The following CHRM5 variants were observed in gnomAD, a reference collection of about 807,000 sequenced individuals.
CHRM5 encodes the protein muscarinic acetylcholine receptor M5.
Under a neutral mutation model 39.0 loss-of-function variants are expected in CHRM5, and 18 were observed. The observed-to-expected ratio is 0.46, with a 90% confidence interval of 0.32 to 0.68. CHRM5 has a LOEUF of 0.68. Ranked by LOEUF, CHRM5 falls within the 30% of genes least tolerant of loss-of-function variation. CHRM5 has a pLI of 0.04. For synonymous variants in CHRM5, 241 were observed against 246.3 expected (o/e 0.98, Z 0.20); for missense variants, 515 against 651.1 (o/e 0.79, Z 2.28).
At chr15:33,972,946 G>A (rs1297932323) in intron 1 of CHRM5, among the ~76,000 whole-genome samples, 1 of 152,184 alleles carries the variant, frequency 6.6e-6, no homozygotes, top group Non-Finnish European at 1.5e-5. Flanking sequence ...ATTATCTACA[G>A]TTACACAGAT....
At chr15:34,004,918 A>T (rs1567461537) in intron 1 of CHRM5, among the ~76,000 whole-genome samples, 1 of 152,192 alleles carries the variant, frequency 6.6e-6, no homozygotes, top group Non-Finnish European at 1.5e-5. Flanking sequence ...CAAGAAAAAA[A>T]TGAGTAAAAT....
chr15:34,058,290 T>A (rs1277885569), intron 2 of CHRM5, among the ~76,000 whole-genome samples: 3 of 152,092 alleles, frequency 2.0e-5, no homozygotes, highest in Non-Finnish European at 2.9e-5. Context: ...CCTAACCAAG[T>A]GGACACATAA....
chr15:34,018,942 A>G (rs1191639588), intron 1 of CHRM5, among the ~76,000 whole-genome samples: 2 of 151,798 alleles, frequency 1.3e-5, no homozygotes, highest in Non-Finnish European at 2.9e-5. Context: ...GTTTTTTACA[A>G]TCCTTCAGCT....
intron 1 of CHRM5, among the ~76,000 whole-genome samples, chr15:34,008,112 GA>G (rs780982534): frequency 1.3e-5 from 2 of 151,986 alleles, no homozygotes; most frequent in Admixed American, 1.3e-4. Context: ...TATCACAGGA[GA>G]AAAAAATAGT....
At chr15:33,976,867 A>G (rs1895910627) in intron 1 of CHRM5, among the ~76,000 whole-genome samples, 1 of 152,140 alleles carries the variant, frequency 6.6e-6, no homozygotes, top group South Asian at 2.1e-4. Flanking sequence ...TTATTTTTCT[A>G]TGCCTTTTCT....
chr15:34,026,016 CTA>C lies in CHRM5; in HGVS notation c.-407-20522_-407-20521del, dbSNP rs145723022. 5.3e-3 allele frequency among the ~76,000 whole-genome samples: 813 copies of C among 152,198 alleles called. 15 individuals are homozygous for C. The highest frequency in any genetic ancestry group is 0.018 in the African/African-American group (765 of 41,510). ...ATCGTCTTTTCAAATTGGAATATAT[CTA>C]TGTTTCTGATAATACACAACAGTAA... On this transcript the variant is annotated intron_variant, in intron 1 of 2. Coordinates refer to ENST00000383263, the MANE Select transcript of CHRM5 (RefSeq NM_012125.4).
At chr15:34,014,563 A>G (rs780852254) in intron 1 of CHRM5, among the ~76,000 whole-genome samples, 1 of 152,128 alleles carries the variant, frequency 6.6e-6, no homozygotes, top group Non-Finnish European at 1.5e-5. Flanking sequence ...AAAGATGAAC[A>G]GGTACAAATC....
intron 1 of CHRM5, among the ~76,000 whole-genome samples, chr15:33,982,498 G>A (rs1896196881): frequency 6.6e-6 from 1 of 152,150 alleles, no homozygotes; most frequent in Non-Finnish European, 1.5e-5. Context: ...ATGGTTAAGA[G>A]GCCAAATCTC....
intron 1 of CHRM5, among the ~76,000 whole-genome samples, chr15:34,000,776 A>C (rs1308392756): frequency 6.6e-6 from 1 of 152,162 alleles, no homozygotes; most frequent in Non-Finnish European, 1.5e-5. Flanking sequence ...AAACTGATAA[A>C]TCAGCAACAG....
chr15:34,025,165 A>T (rs1227143380), intron 1 of CHRM5, among the ~76,000 whole-genome samples: 1 of 152,140 alleles, frequency 6.6e-6, no homozygotes, highest in Admixed American at 6.5e-5. Context: ...GTGAGACTCC[A>T]TCTCAAAAAA....
chr15:33,984,928 C>T (rs1896357521), intron 1 of CHRM5, among the ~76,000 whole-genome samples: 1 of 152,072 alleles, frequency 6.6e-6, no homozygotes, highest in Admixed American at 6.5e-5. Context: ...ATGAAAAGAT[C>T]TACCCTCAAG....
chr15:34,062,972 C>A lies in CHRM5; in HGVS notation c.255C>A (p.Asn85Lys). 1 of 1,614,002 alleles carries A rather than the reference C, an allele frequency of 6.2e-7. No individual in the cohort carries two copies. Among genetic ancestry groups the A allele is most frequent in the Non-Finnish European group, 8.5e-7 (1 of 1,179,982 alleles). Residue 85 changes from asparagine to lysine, a missense_variant, in exon 3 of 3, where the codon AAC becomes AAA. Physicochemically the swap from Asn to Lys is moderately conservative, Grantham distance 94 (BLOSUM62 0). Coordinates refer to ENST00000383263, the MANE Select transcript of CHRM5 (RefSeq NM_012125.4). ...ADLIIGIFSM[N>K]LYTTYILMGR... ...TCATCATTGGAATCTTCTCCATGAA[C>A]CTCTACACCACCTACATCCTCATGG...
intron 1 of CHRM5, chr15:34,038,642 C>T (rs1899279717): frequency 1.4e-5 from 11 of 769,210 alleles, no homozygotes; most frequent in Non-Finnish European, 1.6e-5. Context: ...CCACCATCCG[C>T]CCGTCCCGCG....
intron 2 of CHRM5, among the ~76,000 whole-genome samples, chr15:34,052,268 T>C (rs1481027123): frequency 6.6e-6 from 1 of 152,202 alleles, no homozygotes; most frequent in African/African-American, 2.4e-5. Context: ...TCTCCATAGA[T>C]GCAGAAAAGG....
chr15:34,050,014 A>G (rs1457658399), intron 2 of CHRM5, among the ~76,000 whole-genome samples: 1 of 151,722 alleles, frequency 6.6e-6, no homozygotes, highest in East Asian at 1.9e-4. Flanking sequence ...CAGCCTCCCG[A>G]GTAGCTGGGA....
intron 1 of CHRM5, among the ~76,000 whole-genome samples, chr15:34,001,978 A>G (rs1016177429): frequency 6.6e-6 from 1 of 152,176 alleles, no homozygotes; most frequent in African/African-American, 2.4e-5. Context: ...ATATCTTTTT[A>G]ACCTGGCAAT....
At chr15:34,029,040 C>A (rs72718682) in intron 1 of CHRM5, among the ~76,000 whole-genome samples, 23,182 of 152,078 alleles carry the variant, frequency 0.15, 2,134 homozygotes, top group Middle Eastern at 0.28. Flanking sequence ...CAACTCTTCA[C>A]CTCTAATCCT....
At chr15:34,034,313 C>T (rs932045392) in intron 1 of CHRM5, among the ~76,000 whole-genome samples, 5 of 151,938 alleles carry the variant, frequency 3.3e-5, no homozygotes, top group African/African-American at 7.3e-5. Context: ...TGGTGGTTCA[C>T]GCCTGTACTC....
intron 1 of CHRM5, among the ~76,000 whole-genome samples, chr15:33,980,356 G>A (rs373080586): frequency 6.6e-6 from 1 of 152,142 alleles, no homozygotes; most frequent in Non-Finnish European, 1.5e-5. Context: ...AGACCTCAGT[G>A]CAACAGCCTG....
Sources: gnomAD v4.1 joint callset for allele counts (sites outside exome capture counted in the v4.1 genomes callset) on GRCh38, gnomAD v4.1.1 for gene constraint, MANE v1.5 for transcripts, NCBI Gene and HGNC (gene_info 2026-07-23, HGNC 2026-07-21) for gene names.